Variants in C4orf36 observed in about 807,000 individuals in gnomAD.
C4orf36 encodes uncharacterized protein C4orf36.
C4orf36 carries 11 observed loss-of-function variants against 12.2 expected under a neutral mutation model. That is an observed-to-expected ratio of 0.90 (90% confidence interval 0.57 to 1.49). The LOEUF is 1.49. Among genes scored for constraint, C4orf36 ranks in the 40% most tolerant of loss-of-function variants. The pLI, the probability that C4orf36 is intolerant of heterozygous loss-of-function variation, is 0.00. For synonymous variants in C4orf36, 54 were observed against 51.3 expected (o/e 1.05, Z -0.22); for missense variants, 137 against 133.9 (o/e 1.02, Z -0.11).
At chr4:86,893,427 A>C (rs1171228456), upstream of C4orf36, among the ~76,000 whole-genome samples, 1 of 152,010 alleles carries the variant, frequency 6.6e-6, no homozygotes, top group African/African-American at 2.4e-5. Flanking sequence ...TCTCTACTAA[A>C]ATGCAAAAAT....
chr4:86,882,757 A>G (rs1343069246), intron 4 of C4orf36, among the ~76,000 whole-genome samples: 2 of 152,210 alleles, frequency 1.3e-5, no homozygotes, highest in Non-Finnish European at 2.9e-5. Context: ...CAAAGTGAAC[A>G]TGGGAAGTAT....
upstream of C4orf36, among the ~76,000 whole-genome samples, chr4:86,894,337 A>G (rs1395960477): frequency 6.6e-6 from 1 of 152,150 alleles, no homozygotes; most frequent in Non-Finnish European, 1.5e-5. Context: ...ATATACACAT[A>G]CGTGTGTGTG....
At chr4:86,895,273 G>T (rs932022956), upstream of C4orf36, among the ~76,000 whole-genome samples, 1 of 151,904 alleles carries the variant, frequency 6.6e-6, no homozygotes, top group African/African-American at 2.4e-5. Flanking sequence ...CCATGATCAC[G>T]ACTGCACTCC....
chr4:86,914,529 T>G, the C4orf36 span: 76 of 436,218 alleles, frequency 1.7e-4, no homozygotes, highest in Middle Eastern at 6.7e-4. Context: ...GCCTCCCGGG[T>G]AGCTGGGATT....
the C4orf36 span, among the ~76,000 whole-genome samples, chr4:86,898,875 T>G: frequency 3.3e-5 from 5 of 152,128 alleles, no homozygotes; most frequent in Admixed American, 1.3e-4. Context: ...CCTGAGGAAA[T>G]GGAGGCCAGA....
chr4:86,913,852 G>A, the C4orf36 span: 138,518 of 799,970 alleles, frequency 0.17, 12,862 homozygotes, highest in East Asian at 0.31. Flanking sequence ...TTTTTGAGAC[G>A]GAGTCTCGCT....
the C4orf36 span, among the ~76,000 whole-genome samples, chr4:86,897,989 T>C: frequency 6.6e-6 from 1 of 152,230 alleles, no homozygotes; most frequent in African/African-American, 2.4e-5. Context: ...ATGAGACCTT[T>C]AGGCTGTTAC....
chr4:86,902,198 ATTGT>A, the C4orf36 span, among the ~76,000 whole-genome samples: 1 of 152,068 alleles, frequency 6.6e-6, no homozygotes, highest in Non-Finnish European at 1.5e-5. Flanking sequence ...AAGCGAAAGG[ATTGT>A]TTGAGCTCAG....
chr4:86,908,047 G>A, the C4orf36 span, among the ~76,000 whole-genome samples: 1 of 151,916 alleles, frequency 6.6e-6, no homozygotes, highest in South Asian at 2.1e-4. Flanking sequence ...CAACACATTT[G>A]CTCCCTACTC....
chr4:86,882,462 A>G (rs1023676812), intron 4 of C4orf36, among the ~76,000 whole-genome samples: 2 of 152,110 alleles, frequency 1.3e-5, no homozygotes, highest in African/African-American at 4.8e-5. Flanking sequence ...TTGGCATGAC[A>G]ACTTCCTAAA....
At chr4:86,933,684 A>G in the C4orf36 span, 1 of 152,254 alleles carries the variant, frequency 6.6e-6, no homozygotes, top group African/African-American at 2.4e-5. Context: ...ACGTTAAAAT[A>G]CTTGTTATTG....
the C4orf36 span, among the ~76,000 whole-genome samples, chr4:86,904,238 C>T: frequency 6.6e-6 from 1 of 152,238 alleles, no homozygotes. Flanking sequence ...CACCCGGAAC[C>T]CGCGCCGGCT....
rs1292131215 is a variant in C4orf36 at position 86,891,470 on chromosome 4, G to A, written c.51C>T (p.Gly17=). 3 of 1,613,474 alleles carry A rather than the reference G, an allele frequency of 1.9e-6. No individual in the cohort carries two copies. The highest frequency in any genetic ancestry group is 1.7e-5 in the Admixed American group (1 of 59,982). Residue 17 remains glycine, a synonymous_variant, in exon 2 of 5, where the codon GGC becomes GGT. Coordinates refer to ENST00000295898, the MANE Select transcript of C4orf36 (RefSeq NM_144645.4). ...ATAGTACTTACACATTATAACAACT[G>A]CCCCGCAAAATGGTTTTCACTGTGT... ...RKNTVKTILR[G]SCYNVQEPWD...
upstream of C4orf36, among the ~76,000 whole-genome samples, chr4:86,896,705 G>A (rs892735548): frequency 6.6e-6 from 1 of 151,988 alleles, no homozygotes; most frequent in African/African-American, 2.4e-5. Context: ...TTTCTCCTTG[G>A]ATGGGTCCCA....
At chr4:86,922,544 G>A in the C4orf36 span, among the ~76,000 whole-genome samples, 8 of 152,252 alleles carry the variant, frequency 5.3e-5, no homozygotes, top group Middle Eastern at 3.4e-3. Flanking sequence ...GCAATGTTAG[G>A]CTTATCAGCA....
At chr4:86,905,341 C>G in the C4orf36 span, among the ~76,000 whole-genome samples, 1 of 152,070 alleles carries the variant, frequency 6.6e-6, no homozygotes, top group African/African-American at 2.4e-5. Flanking sequence ...CGAGATCACA[C>G]CACTGCACTC....
At chr4:86,928,346 T>C in the C4orf36 span, among the ~76,000 whole-genome samples, 1 of 152,194 alleles carries the variant, frequency 6.6e-6, no homozygotes, top group Non-Finnish European at 1.5e-5. Context: ...GTGCTGCCAC[T>C]GGGCCAGAGC....
At chr4:86,898,220 CG>C in the C4orf36 span, among the ~76,000 whole-genome samples, 1 of 151,884 alleles carries the variant, frequency 6.6e-6, no homozygotes, top group Non-Finnish European at 1.5e-5. Context: ...GGTGAAACCC[CG>C]TCTCTACTAA....
At chr4:86,913,515 A>G in the C4orf36 span, 6 of 830,012 alleles carry the variant, frequency 7.2e-6, no homozygotes, top group South Asian at 7.2e-5. Flanking sequence ...CAACCTGGAG[A>G]TGAAGGTCAG....
Sources: allele counts gnomAD v4.1 joint callset (sites outside exome capture counted in the v4.1 genomes callset), GRCh38; gene constraint gnomAD v4.1.1; transcripts MANE v1.5; gene names NCBI Gene and HGNC (gene_info 2026-07-23, HGNC 2026-07-21).